The following GPHN variants were observed in gnomAD, a reference collection of about 807,000 sequenced individuals.
The protein encoded by GPHN is gephyrin.
In GPHN, 17 loss-of-function variants were observed where a neutral mutation model predicts 95.5. That is an observed-to-expected ratio of 0.18 (90% CI 0.12 to 0.27). GPHN has a LOEUF of 0.27. GPHN is among the 10% of genes least tolerant of loss of function. The pLI is 1.00. For missense variants in GPHN, 660 were observed against 978.1 expected, an observed-to-expected ratio of 0.67 and a Z score of 4.34; for synonymous variants, 320 against 322.5, an observed-to-expected ratio of 0.99 and a Z score of 0.08.
chr14:67,117,550 G>A (rs2078761679), intron 16 of GPHN, among the ~76,000 whole-genome samples: 1 of 152,050 alleles, frequency 6.6e-6, no homozygotes, highest in Non-Finnish European at 1.5e-5. Context: ...TTGAACCCCT[G>A]GCAGCTAACC....
At chr14:66,814,336 GC>G (rs1482733789) in intron 3 of GPHN, among the ~76,000 whole-genome samples, 2 of 152,114 alleles carry the variant, frequency 1.3e-5, no homozygotes, top group East Asian at 1.9e-4. Flanking sequence ...TCTAGCAAGG[GC>G]CCCCCATCCC....
the GPHN span, among the ~76,000 whole-genome samples, chr14:67,299,936 A>C: frequency 6.6e-6 from 1 of 152,200 alleles, no homozygotes; most frequent in Non-Finnish European, 1.5e-5. Flanking sequence ...CAAGACTACA[A>C]ATTTCATTTA....
At chr14:66,778,857 T>C (rs1198812592) in intron 3 of GPHN, among the ~76,000 whole-genome samples, 1 of 148,428 alleles carries the variant, frequency 6.7e-6, no homozygotes, top group Non-Finnish European at 1.5e-5. Context: ...TGCCTCAGCC[T>C]CCCGAGTAGC....
chr14:67,463,493 A>C, the GPHN span, among the ~76,000 whole-genome samples: 1 of 151,832 alleles, frequency 6.6e-6, no homozygotes, highest in Non-Finnish European at 1.5e-5. Flanking sequence ...CAAAAAATTA[A>C]CTGGGCGTGG....
chr14:66,805,088 TG>T lies in GPHN; in HGVS notation c.202-19385del, dbSNP rs2060495706. Among the ~76,000 whole-genome samples, 3 of 152,310 alleles carry T rather than the reference TG, an allele frequency of 2.0e-5. No individual in the cohort carries two copies. The South Asian group carries it at 6.2e-4, about 32-fold the overall frequency. On this transcript the variant is annotated intron_variant, in intron 3 of 22. Coordinates refer to ENST00000478722, the MANE Select transcript of GPHN (RefSeq NM_020806.5). ...GGGCAATTTACAAAAGAAATAAGTTTGTTGGACTTACAGTTCCCCATGGCTG... is the reference window on the plus strand; with the variant it reads ...GGGCAATTTACAAAAGAAATAAGTTTTTGGACTTACAGTTCCCCATGGCTG...
intron 19 of GPHN, 105 bp downstream of exon 19, chr14:67,159,593 A>G (rs1325561191): frequency 2.6e-6 from 2 of 773,318 alleles, no homozygotes; most frequent in Admixed American, 1.8e-5. Context: ...TGAATTAACT[A>G]TTCCAAAAAA....
the GPHN span, among the ~76,000 whole-genome samples, chr14:67,711,797 G>C: frequency 1.6e-4 from 24 of 152,112 alleles, no homozygotes; most frequent in African/African-American, 5.6e-4. Flanking sequence ...ACACCATAAG[G>C]TACAAAGAGA....
At chr14:67,733,873 C>G in the GPHN span, 28 of 1,533,738 alleles carry the variant, frequency 1.8e-5, no homozygotes. Context: ...GCAGCTTTAT[C>G]AGGCCCAATC....
rs573362689 is a variant in GPHN, at chr14:66,904,325, A to G, written c.390-11678A>G. ...TTTATTCCCTTATTTGTCCCCGCCCATGTCCTGCTGATTGGTCCATTTTAC... is the reference window on the plus strand; with the variant it reads ...TTTATTCCCTTATTTGTCCCCGCCCGTGTCCTGCTGATTGGTCCATTTTAC... On this transcript the variant is annotated intron_variant, in intron 5 of 22. Coordinates refer to ENST00000478722, the MANE Select transcript of GPHN (RefSeq NM_020806.5). Among the ~76,000 whole-genome samples, 5 of 152,152 alleles carry G rather than the reference A, an allele frequency of 3.3e-5. No individual in the cohort carries two copies. The East Asian group carries it at 9.7e-4, about 29-fold the overall frequency.
intron 1 of GPHN, among the ~76,000 whole-genome samples, chr14:66,613,875 C>T (rs1222309883): frequency 1.3e-5 from 2 of 152,108 alleles, no homozygotes; most frequent in South Asian, 4.1e-4. Flanking sequence ...ATTATTAATG[C>T]ATAAGCATTC....
intron 2 of GPHN, among the ~76,000 whole-genome samples, chr14:66,723,339 G>C (rs890438506): frequency 6.7e-6 from 1 of 150,268 alleles, no homozygotes; most frequent in African/African-American, 2.4e-5. Context: ...ATAACCTTTT[G>C]GTTATAAAAG....
intron 13 of GPHN, among the ~76,000 whole-genome samples, chr14:67,107,816 A>G (rs370954203): frequency 1.3e-5 from 2 of 152,202 alleles, no homozygotes; most frequent in East Asian, 3.9e-4. Flanking sequence ...TCAGCAGCTC[A>G]GACTCTAAGG....
At chr14:66,693,645 C>G (rs1226807058) in intron 2 of GPHN, among the ~76,000 whole-genome samples, 1 of 152,094 alleles carries the variant, frequency 6.6e-6, no homozygotes, top group Non-Finnish European at 1.5e-5. Flanking sequence ...GGTAGGTCTG[C>G]CCACATTGAG....
chr14:67,543,425 G>GGC, the GPHN span, among the ~76,000 whole-genome samples: 6 of 152,190 alleles, frequency 3.9e-5, no homozygotes, highest in African/African-American at 1.4e-4. Context: ...CGATAGAAAG[G>GGC]AATGAATATA....
At chr14:67,574,553 C>G in the GPHN span, 1 of 583,432 alleles carries the variant, frequency 1.7e-6, no homozygotes, top group Non-Finnish European at 2.8e-6. The surrounding 1 kb of genome is among the most constrained non-coding windows in gnomAD (Gnocchi z 4.2). Context: ...AGCCCTCAAA[C>G]GTGGTCTGGC....
At chr14:67,726,681 A>G in the GPHN span, among the ~76,000 whole-genome samples, 5 of 152,342 alleles carry the variant, frequency 3.3e-5, no homozygotes, top group African/African-American at 1.2e-4. Context: ...ACACAAGTGT[A>G]CCTGGGTCCC....
chr14:66,863,602 T>A (rs1048795345), intron 4 of GPHN, among the ~76,000 whole-genome samples: 2 of 152,146 alleles, frequency 1.3e-5, no homozygotes, highest in Non-Finnish European at 2.9e-5. Context: ...TACAGCATGG[T>A]ACTGGCATAA....
chr14:67,203,942 C>T, the GPHN span, among the ~76,000 whole-genome samples: 1 of 152,182 alleles, frequency 6.6e-6, no homozygotes, highest in South Asian at 2.1e-4. Context: ...GAACTCCTGA[C>T]CTCAGGTGAT....
At chr14:67,408,359 A>AAAATAAAATAAAAT in the GPHN span, among the ~76,000 whole-genome samples, 258 of 134,048 alleles carry the variant, frequency 1.9e-3, no homozygotes, top group African/African-American at 7.3e-3. Flanking sequence ...TAAAATAAAA[A>AAAATAAAATAAAAT]AAGAAAAAAC....
Sources: gnomAD v4.1 joint callset for allele counts (sites outside exome capture counted in the v4.1 genomes callset) on GRCh38, gnomAD v4.1.1 for gene constraint, Gnocchi (gnomAD v3.1) non-coding constraint, MANE v1.5 for transcripts, NCBI Gene and HGNC (gene_info 2026-07-23, HGNC 2026-07-21) for gene names.